PCCB: variants seen among roughly 807,000 people sequenced by gnomAD.
The protein encoded by PCCB is propionyl-CoA carboxylase subunit beta, also known as propionyl-CoA carboxylase beta chain, mitochondrial.
In PCCB, 43 loss-of-function variants were observed where a neutral mutation model predicts 60.7. The observed-to-expected ratio is 0.71, with a 90% CI of 0.55 to 0.91. PCCB has a LOEUF of 0.91. Ranked by LOEUF, PCCB falls within the 40% of genes least tolerant of loss-of-function variation. PCCB has a pLI of 0.00. For synonymous variants in PCCB, 276 were observed against 255.9 expected (o/e 1.08, Z -0.75); for missense variants, 766 against 702.8 (o/e 1.09, Z -1.02).
At chr3:136,313,769 T>TA (rs910720978) in intron 9 of PCCB, among the ~76,000 whole-genome samples, 5 of 152,210 alleles carry the variant, frequency 3.3e-5, no homozygotes, top group African/African-American at 1.2e-4. Flanking sequence ...AAAATAGCTG[T>TA]AAAAAAATTC....
chr3:136,274,363 C>T (rs530759732), intron 5 of PCCB, among the ~76,000 whole-genome samples: 2 of 152,198 alleles, frequency 1.3e-5, no homozygotes, highest in South Asian at 2.1e-4. Flanking sequence ...ATGGCTTTAT[C>T]TCTCCTTCAT....
intron 7 of PCCB, among the ~76,000 whole-genome samples, chr3:136,296,543 G>A (rs997929389): frequency 1.3e-5 from 2 of 151,836 alleles, no homozygotes; most frequent in African/African-American, 4.8e-5. Flanking sequence ...TCCACTTTTC[G>A]GCTATCATAA....
chr3:136,294,339 T>A (rs1482592621), intron 7 of PCCB, among the ~76,000 whole-genome samples: 3 of 152,126 alleles, frequency 2.0e-5, no homozygotes, highest in Non-Finnish European at 4.4e-5. Context: ...TGAGACAGGA[T>A]CCAGCTCTGT....
chr3:136,253,470 T>C lies in PCCB; in HGVS notation c.184-2386T>C, dbSNP rs1405440141. ...AGTGATCGTGGCTCACTACAACCTCTGCTTCCCAGGTTCAAGTGATTCTCC... is the reference window on the plus strand; with the variant it reads ...AGTGATCGTGGCTCACTACAACCTCCGCTTCCCAGGTTCAAGTGATTCTCC... On this transcript the variant is annotated intron_variant, in intron 1 of 14. Coordinates refer to ENST00000251654, the MANE Select transcript of PCCB (RefSeq NM_000532.5). Among the ~76,000 whole-genome samples the C allele has an allele frequency of 2.5e-3, 386 of 151,606 alleles. 3 individuals are homozygous for C. The highest frequency in any genetic ancestry group is 3.9e-3 in the Non-Finnish European group (264 of 67,760).
intron 5 of PCCB, among the ~76,000 whole-genome samples, chr3:136,282,169 G>T (rs553969505): frequency 2.0e-5 from 3 of 152,160 alleles, no homozygotes; most frequent in African/African-American, 7.2e-5. Flanking sequence ...GAACATCCTC[G>T]TGGCTACCTG....
At chr3:136,250,939 G>T (rs1941497857) in intron 1 of PCCB, among the ~76,000 whole-genome samples, 1 of 152,158 alleles carries the variant, frequency 6.6e-6, no homozygotes, top group Admixed American at 6.5e-5. Context: ...AAAACCATGT[G>T]CTTATTCTCG....
intron 5 of PCCB, among the ~76,000 whole-genome samples, chr3:136,282,710 AT>A (rs1175931910): frequency 6.6e-6 from 1 of 152,192 alleles, no homozygotes; most frequent in African/African-American, 2.4e-5. Flanking sequence ...AGTGTTTATA[AT>A]CACATATTTA....
At chr3:136,327,484 C>T (rs1055472865) in intron 12 of PCCB, 150 bp from the exon 13 acceptor site, 3 of 743,128 alleles carry the variant, frequency 4.0e-6, no homozygotes, top group Non-Finnish European at 4.8e-6. Flanking sequence ...TGAGCATTAA[C>T]TTTGAAAGGT....
Position 136,285,818 on chromosome 3 carries a change from T to C in PCCB, c.654+1871T>C, listed in dbSNP as rs1352205725. Among the ~76,000 whole-genome samples the C allele has an allele frequency of 2.0e-5, 3 of 152,250 alleles. No individual in the cohort carries two copies. In the East Asian group the frequency reaches 5.8e-4, roughly 29 times the overall value. Reference sequence around the variant, plus strand: ...ATCTCATTTTCTGCTTACAAAACTTTAGTTAATAATTGCATATTAGTGAGA... The same window carrying C: ...ATCTCATTTTCTGCTTACAAAACTTCAGTTAATAATTGCATATTAGTGAGA... On this transcript the variant is annotated intron_variant, in intron 6 of 14. Transcript: ENST00000251654.
At chr3:136,259,544 A>G (rs1941765345) in intron 3 of PCCB, among the ~76,000 whole-genome samples, 1 of 152,222 alleles carries the variant, frequency 6.6e-6, no homozygotes, top group Non-Finnish European at 1.5e-5. Flanking sequence ...AGAATCTGAT[A>G]TTAGAGTTAA....
intron 8 of PCCB, among the ~76,000 whole-genome samples, chr3:136,300,152 A>G (rs78769135): frequency 0.012 from 1,716 of 140,556 alleles, 27 homozygotes; most frequent in East Asian, 0.046. Flanking sequence ...ATGTGTTCAC[A>G]TACATATATA....
chr3:136,260,194 C>T, intron 3 of PCCB: 3 of 475,870 alleles, frequency 6.3e-6, no homozygotes, highest in South Asian at 4.0e-5. Context: ...CTGCCTCAGC[C>T]TCCCGAGTAG....
At chr3:136,291,997 G>T (rs1376436780) in intron 6 of PCCB, among the ~76,000 whole-genome samples, 1 of 152,176 alleles carries the variant, frequency 6.6e-6, no homozygotes, top group Non-Finnish European at 1.5e-5. Flanking sequence ...ATCAGCCCTG[G>T]CTCTGGAGGA....
At chr3:136,325,474 A>G (rs1935271881) in intron 10 of PCCB, among the ~76,000 whole-genome samples, 1 of 151,604 alleles carries the variant, frequency 6.6e-6, no homozygotes, top group Non-Finnish European at 1.5e-5. Flanking sequence ...TCCTTCCTCA[A>G]GCCTTCTGAG....
chr3:136,250,705 A>T, intron 1 of PCCB, 147 bp downstream of exon 1: 1 of 782,756 alleles, frequency 1.3e-6, no homozygotes, highest in Non-Finnish European at 2.0e-6. Context: ...GAAAACCTGT[A>T]GCGTTTCTCG....
Position 136,288,789 on chromosome 3 carries a change from G to A in PCCB, c.654+4842G>A, listed in dbSNP as rs149581446. 7.4e-3 allele frequency among the ~76,000 whole-genome samples: 1,130 copies of A among 152,130 alleles called. 21 individuals are homozygous for A. Among genetic ancestry groups the A allele is most frequent in the African/African-American group, 0.025 (1,042 of 41,498 alleles). On this transcript the variant is annotated intron_variant, in intron 6 of 14. Coordinates refer to ENST00000251654, the MANE Select transcript of PCCB (RefSeq NM_000532.5). ...TTACAGGCACATGCCAACACACCTG[G>A]CTAATTTTTTATTTATTTTATTTAT... is the stretch of plus-strand genomic sequence containing the variant.
chr3:136,285,337 T>C (rs745395724), intron 6 of PCCB, among the ~76,000 whole-genome samples: 2 of 152,288 alleles, frequency 1.3e-5, no homozygotes, highest in South Asian at 4.1e-4. Flanking sequence ...AGGACCCTTA[T>C]ACTGTTCCTT....
intron 9 of PCCB, among the ~76,000 whole-genome samples, chr3:136,307,006 C>CAAGG (rs1359301154): frequency 1.6e-5 from 2 of 122,504 alleles, no homozygotes; most frequent in Non-Finnish European, 3.6e-5. Flanking sequence ...AAATGACTTA[C>CAAGG]AAGGGCAAGA....
intron 10 of PCCB, among the ~76,000 whole-genome samples, chr3:136,319,467 G>A (rs747420359): frequency 2.0e-5 from 3 of 151,580 alleles, no homozygotes; most frequent in Admixed American, 6.6e-5. Flanking sequence ...TACGATCTCG[G>A]CTTATTGCAA....
Sources: gnomAD v4.1 joint callset for allele counts (sites outside exome capture counted in the v4.1 genomes callset) on GRCh38, gnomAD v4.1.1 for gene constraint, MANE v1.5 for transcripts, NCBI Gene and HGNC (gene_info 2026-07-23, HGNC 2026-07-21) for gene names.